METTL24: variants seen among roughly 807,000 people sequenced by gnomAD.
METTL24 encodes probable methyltransferase-like protein 24.
In METTL24, 29 loss-of-function variants were observed where a neutral mutation model predicts 32.7. The observed-to-expected ratio is 0.89, with a 90% CI of 0.66 to 1.21. The LOEUF (loss-of-function observed/expected upper bound fraction) is 1.21. Ranked by LOEUF, METTL24 falls within the 50% of genes most tolerant of loss-of-function variation. The pLI is 0.00. For synonymous variants in METTL24, 163 were observed against 179.5 expected (o/e 0.91, Z 0.73); for missense variants, 439 against 468.1 (o/e 0.94, Z 0.57).
chr6:110,273,615 T>C (rs1187635686), intron 4 of METTL24, among the ~76,000 whole-genome samples: 2 of 151,878 alleles, frequency 1.3e-5, no homozygotes, highest in African/African-American at 4.8e-5. Flanking sequence ...AACAAACATA[T>C]GCAAAAGTGC....
At chr6:110,271,139 C>T (rs547719058) in intron 4 of METTL24, among the ~76,000 whole-genome samples, 42 of 151,926 alleles carry the variant, frequency 2.8e-4, no homozygotes, top group Non-Finnish European at 5.1e-4. Flanking sequence ...GGATTACAGG[C>T]GTGAGCCACC....
chr6:110,311,541 T>C (rs1339617675), intron 3 of METTL24, among the ~76,000 whole-genome samples: 1 of 140,438 alleles, frequency 7.1e-6, no homozygotes, highest in Admixed American at 7.4e-5. Flanking sequence ...TGGCACAATC[T>C]CAGCTCACTG....
chr6:110,314,868 G>A (rs1488917403), intron 3 of METTL24, among the ~76,000 whole-genome samples: 3 of 152,144 alleles, frequency 2.0e-5, no homozygotes, highest in Non-Finnish European at 4.4e-5. Context: ...GGAGGCTGTG[G>A]TGGGAAGATC....
chr6:110,258,789 TAC>T (rs146964745), intron 4 of METTL24, among the ~76,000 whole-genome samples: 18,612 of 145,202 alleles, frequency 0.13, 1,152 homozygotes, highest in African/African-American at 0.17. Context: ...TAGATGCATT[TAC>T]ACACACACAC....
intron 4 of METTL24, among the ~76,000 whole-genome samples, chr6:110,276,185 C>A (rs1375377609): frequency 1.3e-5 from 2 of 152,166 alleles, no homozygotes; most frequent in African/African-American, 4.8e-5. Flanking sequence ...ATAATCCCAG[C>A]ACTTTAAGAG....
chr6:110,330,115 G>A (rs1454164750), intron 1 of METTL24, among the ~76,000 whole-genome samples: 1 of 152,256 alleles, frequency 6.6e-6, no homozygotes, highest in Non-Finnish European at 1.5e-5. Context: ...CCAGGAGGCG[G>A]GGCGTCTCCC....
chr6:110,286,990 T>G (rs951253010), intron 4 of METTL24, among the ~76,000 whole-genome samples: 1 of 152,180 alleles, frequency 6.6e-6, no homozygotes, highest in Non-Finnish European at 1.5e-5. Flanking sequence ...GAGTTAATAC[T>G]TAATAAGCTT....
intron 3 of METTL24, 88 bp from the exon 4 acceptor site, chr6:110,299,238 T>G (rs933636096): frequency 8.3e-5 from 95 of 1,143,374 alleles, no homozygotes; most frequent in Non-Finnish European, 1.2e-4. Context: ...AAGGCCAAGG[T>G]TCTTAGTTAT....
chr6:110,263,381 G>A (rs938180989), intron 4 of METTL24, among the ~76,000 whole-genome samples: 1 of 152,138 alleles, frequency 6.6e-6, no homozygotes, highest in Non-Finnish European at 1.5e-5. Flanking sequence ...TTGCTTCAAA[G>A]AGAATAGAAT....
chr6:110,246,874 C>G (rs1778174989), intron 4 of METTL24, among the ~76,000 whole-genome samples: 1 of 151,374 alleles, frequency 6.6e-6, no homozygotes, highest in Non-Finnish European at 1.5e-5. Context: ...TATTGAGTAT[C>G]TGAATATTGG....
intron 1 of METTL24, among the ~76,000 whole-genome samples, chr6:110,346,417 T>C (rs1772474419): frequency 6.6e-6 from 1 of 152,030 alleles, no homozygotes; most frequent in Non-Finnish European, 1.5e-5. Flanking sequence ...CAGGAGACTA[T>C]ATTGGAGGAG....
In METTL24 at chr6:110,321,280, C is replaced by A. The variant is rs1771926197; in HGVS notation, c.417+1494G>T. The stretch of plus-strand genomic sequence containing the variant: ...GAAAAGAAAAATTTTCTCCTCTCAG[C>A]CCATAGTTTCTGGGAAAGATCCAAG... On this transcript the variant is annotated intron_variant, in intron 2 of 4. Coordinates refer to ENST00000338882, the MANE Select transcript of METTL24 (RefSeq NM_001123364.3). Among the ~76,000 whole-genome samples the A allele has an allele frequency of 2.6e-5, 4 of 152,200 alleles. No homozygotes were observed. In the South Asian group the frequency reaches 8.3e-4, roughly 32 times the overall value.
At chr6:110,259,481 G>C (rs917281200) in intron 4 of METTL24, among the ~76,000 whole-genome samples, 5 of 152,208 alleles carry the variant, frequency 3.3e-5, no homozygotes, top group Admixed American at 2.6e-4. Context: ...GCTTGAACTG[G>C]GTGGAGCCCA....
chr6:110,322,717 A>T, intron 2 of METTL24, 57 bp downstream of exon 2: 1 of 1,434,986 alleles, frequency 7.0e-7, no homozygotes, highest in Non-Finnish European at 9.7e-7. Context: ...TTCTTTCAAA[A>T]GAGGCAATCA....
intron 3 of METTL24, among the ~76,000 whole-genome samples, chr6:110,301,697 C>T (rs1222923679): frequency 1.3e-5 from 2 of 152,198 alleles, no homozygotes; most frequent in Non-Finnish European, 2.9e-5. Context: ...TAAAGACATA[C>T]AAGCAACAGT....
intron 4 of METTL24, among the ~76,000 whole-genome samples, chr6:110,283,970 A>G (rs1771178789): frequency 2.0e-5 from 3 of 152,222 alleles, no homozygotes; most frequent in Admixed American, 2.0e-4. Flanking sequence ...CAATCTATAC[A>G]TATGGCAAAA....
chr6:110,292,880 T>C (rs1385644878), intron 4 of METTL24, among the ~76,000 whole-genome samples: 2 of 152,122 alleles, frequency 1.3e-5, no homozygotes, highest in African/African-American at 2.4e-5. Flanking sequence ...TGATTTGAGA[T>C]AGTGCCTTTA....
At chr6:110,277,698 C>G (rs1308640825) in intron 4 of METTL24, among the ~76,000 whole-genome samples, 1 of 152,146 alleles carries the variant, frequency 6.6e-6, no homozygotes, top group Non-Finnish European at 1.5e-5. Flanking sequence ...CCTTCTTCTA[C>G]TTGGATATAA....
intron 1 of METTL24, among the ~76,000 whole-genome samples, chr6:110,345,406 C>T (rs1351811334): frequency 2.6e-5 from 4 of 152,150 alleles, no homozygotes; most frequent in African/African-American, 4.8e-5. Context: ...TACCATTCAA[C>T]GCAGCAAAAC....
Sources: allele counts gnomAD v4.1 joint callset (sites outside exome capture counted in the v4.1 genomes callset), GRCh38; gene constraint gnomAD v4.1.1; transcripts MANE v1.5; gene names NCBI Gene and HGNC (gene_info 2026-07-23, HGNC 2026-07-21).